The following MRPL35 variants were observed in gnomAD, a reference collection of about 807,000 sequenced individuals.
MRPL35 encodes mitochondrial ribosomal protein L35, also known as large ribosomal subunit protein bL35m.
Under a neutral mutation model 21.6 loss-of-function variants are expected in MRPL35, and 18 were observed. That is an observed-to-expected ratio of 0.83 (90% confidence interval 0.58 to 1.24). The LOEUF (loss-of-function observed/expected upper bound fraction) is 1.24. Ranked by LOEUF, MRPL35 falls within the 50% of genes most tolerant of loss-of-function variation. The pLI is 0.00. For missense variants in MRPL35, 223 were observed against 223.2 expected (o/e 1.00, Z 0.01); for synonymous variants, 87 against 86.9 (o/e 1.00, Z -0.01).
intron 1 of MRPL35, among the ~76,000 whole-genome samples, chr2:86,203,373 C>A (rs1327337856): frequency 6.6e-6 from 1 of 152,180 alleles, no homozygotes; most frequent in Admixed American, 6.5e-5. Context: ...GCGTGAGCCA[C>A]CGCACCCGGC....
chr2:86,211,610 A>G lies in MRPL35; in HGVS notation c.*942A>G. 3.7e-5 allele frequency: 36 copies of G among 985,452 alleles called. No homozygotes were observed. The highest frequency in any genetic ancestry group is 4.3e-5 in the Non-Finnish European group (36 of 829,946). The allele number at this position is 985,452 out of a possible 1,614,324, so 61.0% of individuals were successfully genotyped here. On this transcript the variant is annotated 3_prime_UTR_variant, in exon 4 of 4. Coordinates refer to ENST00000337109, the MANE Select transcript of MRPL35 (RefSeq NM_016622.4). ...TAGCCCTTCAGCATGCTCATTCATG[A>G]AACAGAAGAGGCTGTACAAGTGAAG...
Position 86,211,175 on chromosome 2 carries a change from ATTG to A in MRPL35, c.*510_*512del, listed in dbSNP as rs1464245036. On this transcript the variant is annotated 3_prime_UTR_variant, in exon 4 of 4. Transcript: ENST00000337109. ...ATGCATGTGACTTGCTTCTTTTTGC[ATTG>A]TTAACTCCATTCTCTCTATTCACCA... The A allele has an allele frequency of 1.0e-6, 1 of 983,900 alleles. No individual in the cohort carries two copies. The highest frequency in any genetic ancestry group is 1.2e-6 in the Non-Finnish European group (1 of 828,592). The allele number at this position is 983,900 out of a possible 1,614,324, so 60.9% of individuals were successfully genotyped here.
chr2:86,207,529 G>A (rs926060982), intron 3 of MRPL35, among the ~76,000 whole-genome samples: 1 of 152,190 alleles, frequency 6.6e-6, no homozygotes, highest in African/African-American at 2.4e-5. Flanking sequence ...CAGCTACTCG[G>A]GAGGCTGAGG....
In MRPL35 at chr2:86,211,020, G is replaced by A. The variant is rs558731181; in HGVS notation, c.*352G>A. On this transcript the variant is annotated 3_prime_UTR_variant, in exon 4 of 4. Coordinates refer to ENST00000337109, the MANE Select transcript of MRPL35 (RefSeq NM_016622.4). ...ATGTGACATTATTTCAAGGATATGT[G>A]CCAGGGAATTCAGGAACCACCTCAC... 3.0e-6 allele frequency: 3 copies of A among 996,446 alleles called. No individual in the cohort carries two copies. Among genetic ancestry groups the A allele is most frequent in the East Asian group, 2.1e-4 (2 of 9,428 alleles). 61.7% of individuals were successfully genotyped at this position (996,446 alleles called of 1,614,324 possible).
chr2:86,206,772 C>T (rs183009829), intron 2 of MRPL35, among the ~76,000 whole-genome samples: 4 of 152,240 alleles, frequency 2.6e-5, no homozygotes, highest in East Asian at 1.9e-4. Context: ...GTGCACAAGA[C>T]GCTCAGCTTA....
chr2:86,207,411 C>T (rs776387032), intron 3 of MRPL35, 84 bp downstream of exon 3: 84 of 1,446,174 alleles, frequency 5.8e-5, no homozygotes, highest in African/African-American at 4.0e-4. Flanking sequence ...AGCACTTTGG[C>T]GGGTGGATCA....
intron 3 of MRPL35, among the ~76,000 whole-genome samples, chr2:86,209,526 A>C (rs922581901): frequency 6.6e-6 from 1 of 151,026 alleles, no homozygotes; most frequent in East Asian, 1.9e-4. Flanking sequence ...TTCAAAATGA[A>C]TAATACCTGT....
Position 86,207,296 on chromosome 2 carries a change from G to T in MRPL35, c.347G>T (p.Arg116Leu). The change falls in exon 3 of 4, where the codon CGA (arginine) becomes CTA (leucine). Residue 116 changes from arginine (R) to leucine (L), a missense_variant. Arg to Leu is a moderately radical substitution (Grantham distance 102). Coordinates refer to ENST00000337109, the MANE Select transcript of MRPL35 (RefSeq NM_016622.4). Reference protein sequence around the residue: ...TVKAVIDRFLRLHCGLWVRRK... With the variant: ...TVKAVIDRFLLLHCGLWVRRK... ...AAAGCTGTCATCGATAGGTTTCTTCGACTTCATTGTGGCCTTTGGGTGAGG... is the reference window on the plus strand; with the variant it reads ...AAAGCTGTCATCGATAGGTTTCTTCTACTTCATTGTGGCCTTTGGGTGAGG... The T allele has an allele frequency of 1.2e-6, 2 of 1,613,712 alleles. No individual in the cohort carries two copies. The highest frequency in any genetic ancestry group is 2.2e-5 in the South Asian group (2 of 91,004).
Position 86,213,508 on chromosome 2 carries a change from T to G in MRPL35, c.*2840T>G. 7.2e-7 allele frequency: 1 copy of G among 1,383,446 alleles called. No individual in the cohort carries two copies. The highest frequency in any genetic ancestry group is 1.7e-5 in the South Asian group (1 of 58,652). The allele number at this position is 1,383,446 out of a possible 1,614,324, so 85.7% of individuals were successfully genotyped here. On this transcript the variant is annotated 3_prime_UTR_variant, in exon 4 of 4. Coordinates refer to ENST00000337109, the MANE Select transcript of MRPL35 (RefSeq NM_016622.4). ...TGTTTAATTTTGATGTTTCAAATTT[T>G]GAGCTTCCAAGTCTTTGTGGCCACC...
chr2:86,212,477 C>A lies in MRPL35; in HGVS notation c.*1809C>A, dbSNP rs748624115. ...TTCCACATCTTTGTCACCTGCCTGG[C>A]TCCTGCTCTCTGATGTACCTCTGGG... On this transcript the variant is annotated 3_prime_UTR_variant, in exon 4 of 4. Coordinates refer to ENST00000337109, the MANE Select transcript of MRPL35 (RefSeq NM_016622.4). 6.2e-7 allele frequency: 1 copy of A among 1,613,362 alleles called. No individual in the cohort carries two copies.
rs757894873 is a variant in MRPL35, at chr2:86,199,499, CT to C, written c.10del (p.Ser4LeufsTer7). 6 of 1,614,220 alleles carry C rather than the reference CT, an allele frequency of 3.7e-6. No homozygotes were observed. The highest frequency in any genetic ancestry group is 5.1e-6 in the Non-Finnish European group (6 of 1,180,040). On this transcript the variant is annotated frameshift_variant, in exon 1 of 4. Coordinates refer to ENST00000337109, the MANE Select transcript of MRPL35 (RefSeq NM_016622.4). LOFTEE classifies it high-confidence loss of function. Reference sequence around the variant, plus strand: ...CGTAGGCGAAGGTGAAGATGGCTGCCTCTGCCTTTGCTGGTGCAGTGAGAGC... The same window carrying C: ...CGTAGGCGAAGGTGAAGATGGCTGCCCTGCCTTTGCTGGTGCAGTGAGAGC... MAA[S>X]AFAGAVRAAS...
In MRPL35 at chr2:86,211,283, C is replaced by A; in HGVS notation, c.*615C>A. The stretch of plus-strand genomic sequence containing the variant: ...TAACTTGCACCTTTGAGGTTCTTTT[C>A]TACATGATGACCTTCAGCTCCTGCT... On this transcript the variant is annotated 3_prime_UTR_variant, in exon 4 of 4. Transcript: ENST00000337109. 2.3e-6 allele frequency: 2 copies of A among 883,996 alleles called. No individual in the cohort carries two copies. Among genetic ancestry groups the A allele is most frequent in the African/African-American group, 1.8e-5 (1 of 54,996 alleles). The allele number at this position is 883,996 out of a possible 1,614,324, so 54.8% of individuals were successfully genotyped here.
chr2:86,207,470 C>A, intron 3 of MRPL35, 143 bp downstream of exon 3: 1 of 868,746 alleles, frequency 1.2e-6, no homozygotes, highest in South Asian at 2.0e-5. Flanking sequence ...GAAACTCCAT[C>A]TCTACTAAAA....
At chr2:86,200,783 A>T (rs1673669649) in intron 1 of MRPL35, among the ~76,000 whole-genome samples, 1 of 151,806 alleles carries the variant, frequency 6.6e-6, no homozygotes, top group South Asian at 2.1e-4. Flanking sequence ...GGTTTAAGTG[A>T]TTCCCTTGGA....
At chr2:86,205,350 G>T (rs1018343669) in intron 1 of MRPL35, among the ~76,000 whole-genome samples, 1 of 152,170 alleles carries the variant, frequency 6.6e-6, no homozygotes, top group African/African-American at 2.4e-5. Flanking sequence ...TCATTAAGTG[G>T]AAGTGGATCA....
At chr2:86,200,495 A>T (rs960353357) in intron 1 of MRPL35, among the ~76,000 whole-genome samples, 2 of 152,120 alleles carry the variant, frequency 1.3e-5, no homozygotes, top group Admixed American at 6.6e-5. Flanking sequence ...AGTTACTATT[A>T]GGTTGCCTAT....
At chr2:86,210,173 G>T (rs1673873195) in intron 3 of MRPL35, among the ~76,000 whole-genome samples, 1 of 152,104 alleles carries the variant, frequency 6.6e-6, no homozygotes, top group Admixed American at 6.5e-5. Context: ...TTATAATTCT[G>T]TCATTATCTT....
At chr2:86,201,898 C>T (rs1187408762) in intron 1 of MRPL35, among the ~76,000 whole-genome samples, 2 of 152,202 alleles carry the variant, frequency 1.3e-5, no homozygotes, top group South Asian at 2.1e-4. Flanking sequence ...AAATGTACAT[C>T]GTCACCTTTG....
intron 3 of MRPL35, 97 bp from the exon 4 acceptor site, chr2:86,210,383 T>G: frequency 1.1e-6 from 1 of 900,158 alleles, no homozygotes; most frequent in Non-Finnish European, 1.5e-6. Flanking sequence ...GGAAGTCTGG[T>G]TTTTGTTCTT....
Sources: gnomAD v4.1 joint callset for allele counts (sites outside exome capture counted in the v4.1 genomes callset) on GRCh38, gnomAD v4.1.1 for gene constraint, MANE v1.5 for transcripts, NCBI Gene and HGNC (gene_info 2026-07-23, HGNC 2026-07-21) for gene names.